The following CEP83 variants were observed in gnomAD, a reference collection of about 807,000 sequenced individuals.
CEP83 encodes centrosomal protein 83.
In CEP83, 70 loss-of-function variants were observed where a neutral mutation model predicts 101.9. The ratio of observed to expected loss-of-function variants is 0.69; its 90% CI spans 0.57 to 0.84. The LOEUF (loss-of-function observed/expected upper bound fraction) is 0.84, where lower values mean the gene tolerates loss of function less well. CEP83 is among the 40% of genes least tolerant of loss of function. CEP83 has a pLI of 0.00. For synonymous variants in CEP83, 264 were observed against 267.9 expected (o/e 0.99, Z 0.14); for missense variants, 715 against 787.2 (o/e 0.91, Z 1.10).
At chr12:94,376,585 A>G (rs1191382178) in intron 7 of CEP83, among the ~76,000 whole-genome samples, 2 of 151,874 alleles carry the variant, frequency 1.3e-5, no homozygotes, top group Non-Finnish European at 2.9e-5. Flanking sequence ...AGGTTGTCAA[A>G]AAAGTTTCTG....
intron 11 of CEP83, among the ~76,000 whole-genome samples, chr12:94,344,553 T>C (rs2059843894): frequency 6.8e-6 from 1 of 147,012 alleles, no homozygotes; most frequent in African/African-American, 2.4e-5. Flanking sequence ...TATATTTCTA[T>C]ATGCAACGAA....
chr12:94,446,820 A>C (rs2066843640), intron 1 of CEP83, among the ~76,000 whole-genome samples: 1 of 152,234 alleles, frequency 6.6e-6, no homozygotes, highest in South Asian at 2.1e-4. Flanking sequence ...AGAAGTTTTG[A>C]AGAAATAATC....
Position 94,376,732 on chromosome 12 carries a change from C to CACAT in CEP83, c.802-716_802-715insATGT, listed in dbSNP as rs1034102363. Among the ~76,000 whole-genome samples the CACAT allele has an allele frequency of 6.3e-5, 6 of 95,010 alleles. No homozygotes were observed. In the South Asian group the frequency reaches 9.5e-4, roughly 15 times the overall value. 62.3% of individuals were successfully genotyped at this position (95,010 alleles called of 152,430 possible). On this transcript the variant is annotated intron_variant, in intron 7 of 16. Transcript: ENST00000397809. Reference sequence around the variant, plus strand: ...ACACACACACACACACACACACACACATATATATATATATATTTTTTTTTT... The same window carrying CACAT: ...ACACACACACACACACACACACACACACATATATATATATATATATTTTTTTTTT...
intron 2 of CEP83, among the ~76,000 whole-genome samples, chr12:94,416,828 TGAAATGCTGGCACAGAAGGCCTA>T (rs2064312726): frequency 2.0e-5 from 3 of 149,986 alleles, no homozygotes; most frequent in Non-Finnish European, 3.0e-5. Flanking sequence ...CTCACCCCAC[TGAAATGCTGGCACAGAAGGCCTA>T]GTGGAGACTT....
At chr12:94,267,235 CAGGAA>C in the CEP83 span, among the ~76,000 whole-genome samples, 1 of 152,184 alleles carries the variant, frequency 6.6e-6, no homozygotes, top group East Asian at 1.9e-4. Flanking sequence ...ACAGGAAAGA[CAGGAA>C]AGGAGAAGAT....
chr12:94,348,649 G>A (rs2060056510), intron 11 of CEP83, among the ~76,000 whole-genome samples: 1 of 152,076 alleles, frequency 6.6e-6, no homozygotes, highest in African/African-American at 2.4e-5. Flanking sequence ...GTCACTGTTT[G>A]GTGGTCTGCT....
chr12:94,288,901 T>C, the CEP83 span, among the ~76,000 whole-genome samples: 1 of 152,254 alleles, frequency 6.6e-6, no homozygotes, highest in Non-Finnish European at 1.5e-5. Flanking sequence ...GTGTAGTGAT[T>C]TGATTCTCAT....
At chr12:94,283,901 C>T in the CEP83 span, among the ~76,000 whole-genome samples, 3 of 151,964 alleles carry the variant, frequency 2.0e-5, no homozygotes, top group Non-Finnish European at 4.4e-5. Context: ...CTGGCCAACA[C>T]GGTAAAACGC....
chr12:94,401,052 A>C (rs2063224216), intron 5 of CEP83, 71 bp from the exon 6 acceptor site: 1 of 815,898 alleles, frequency 1.2e-6, no homozygotes, highest in Admixed American at 3.2e-5. Flanking sequence ...CACTTTTACA[A>C]ATATAATTTT....
intron 1 of CEP83, among the ~76,000 whole-genome samples, chr12:94,457,823 C>T (rs1453494066): frequency 6.6e-6 from 1 of 152,126 alleles, no homozygotes; most frequent in African/African-American, 2.4e-5. Flanking sequence ...TAAAAACTAA[C>T]AACTTGCCAT....
At chr12:94,305,167 C>G (rs1565878668), downstream of CEP83, 1 of 1,538,464 alleles carries the variant, frequency 6.5e-7, no homozygotes, top group East Asian at 2.3e-5. Flanking sequence ...AATAACTGTT[C>G]TAATTGTCAA....
chr12:94,402,974 C>T (rs2063340566), intron 5 of CEP83, 196 bp downstream of exon 5: 1 of 384,524 alleles, frequency 2.6e-6, no homozygotes, highest in South Asian at 1.2e-4. Flanking sequence ...AAAGAAACAT[C>T]AGTAGGCCAA....
downstream of CEP83, chr12:94,303,717 T>G: frequency 3.2e-6 from 4 of 1,250,398 alleles, no homozygotes; most frequent in Non-Finnish European, 3.2e-6. Flanking sequence ...TTTTTTACTC[T>G]TTTGGTGATG....
chr12:94,305,102 C>A, downstream of CEP83: 1 of 800,998 alleles, frequency 1.2e-6, no homozygotes, highest in Non-Finnish European at 2.1e-6. Flanking sequence ...TTTTACCACT[C>A]ACAGCATCAG....
chr12:94,282,764 A>G, the CEP83 span: 2 of 182,104 alleles, frequency 1.1e-5, no homozygotes, highest in Non-Finnish European at 2.3e-5. Context: ...GGAAGTCCCA[A>G]GCCTCGCCTC....
At position 94,412,522 on chromosome 12, in the gene CEP83, T is replaced by C. The variant is rs2137798888; in HGVS notation, c.-32A>G. ...ATAAGTTTTGGCTTTCTTACTGTTT[T>C]AGTTTTCTTTCCAAGGGTATTTCCC... On this transcript the variant is annotated 5_prime_UTR_variant, in exon 3 of 17. Coordinates refer to ENST00000397809, the MANE Select transcript of CEP83 (RefSeq NM_016122.3). 6.2e-7 allele frequency: 1 copy of C among 1,601,280 alleles called. No individual in the cohort carries two copies. The highest frequency in any genetic ancestry group is 8.5e-7 in the Non-Finnish European group (1 of 1,172,950).
At chr12:94,316,820 C>T (rs1970776536) in intron 14 of CEP83, among the ~76,000 whole-genome samples, 1 of 152,176 alleles carries the variant, frequency 6.6e-6, no homozygotes, top group Non-Finnish European at 1.5e-5. Context: ...TTTATCCAAT[C>T]TTCCATTGAT....
chr12:94,335,929 T>C, intron 11 of CEP83: 2 of 335,334 alleles, frequency 6.0e-6, no homozygotes, highest in Non-Finnish European at 1.1e-5. Flanking sequence ...GAACGCTACA[T>C]GGATAAAAAC....
At chr12:94,346,843 GT>G (rs1199416183) in intron 11 of CEP83, among the ~76,000 whole-genome samples, 1 of 152,138 alleles carries the variant, frequency 6.6e-6, no homozygotes, top group Non-Finnish European at 1.5e-5. Flanking sequence ...TTCAAGACCA[GT>G]CTGGGAAACA....
Sources: allele counts gnomAD v4.1 joint callset (sites outside exome capture counted in the v4.1 genomes callset), GRCh38; gene constraint gnomAD v4.1.1; transcripts MANE v1.5; gene names NCBI Gene and HGNC (gene_info 2026-07-23, HGNC 2026-07-21).